Variants in PPARD observed in about 807,000 individuals in gnomAD.
PPARD encodes peroxisome proliferator activated receptor delta, also known as peroxisome proliferator-activated receptor delta.
In PPARD, 6 loss-of-function variants were observed where a neutral mutation model predicts 39.5. That is an observed-to-expected ratio of 0.15 (90% CI 0.08 to 0.30). The LOEUF is 0.30. PPARD is among the 10% of genes least tolerant of loss of function. The pLI is 1.00. For missense variants in PPARD, 397 were observed against 596.8 expected, an observed-to-expected ratio of 0.67 and a Z score of 3.49; for synonymous variants, 210 against 231.3, an observed-to-expected ratio of 0.91 and a Z score of 0.83.
intron 4 of PPARD, among the ~76,000 whole-genome samples, chr6:35,420,651 AT>A (rs1766087935): frequency 6.6e-6 from 1 of 152,134 alleles, no homozygotes; most frequent in Admixed American, 6.5e-5. Context: ...AAGGACAGAC[AT>A]TTGTTTTTCC....
At chr6:35,399,801 C>T (rs149723054) in intron 2 of PPARD, among the ~76,000 whole-genome samples, 27 of 152,210 alleles carry the variant, frequency 1.8e-4, no homozygotes, top group Admixed American at 5.9e-4. Context: ...TATGTAAATT[C>T]GTATTGTATT....
intron 2 of PPARD, among the ~76,000 whole-genome samples, chr6:35,410,418 G>A (rs1765349615): frequency 6.6e-6 from 1 of 152,158 alleles, no homozygotes; most frequent in African/African-American, 2.4e-5. Context: ...TTTTTCTGAT[G>A]TCTCTGCTAT....
chr6:35,360,489 T>C (rs1761871751), intron 2 of PPARD, among the ~76,000 whole-genome samples: 1 of 152,102 alleles, frequency 6.6e-6, no homozygotes, highest in African/African-American at 2.4e-5. Context: ...ATCAGAGAGG[T>C]TAACTCGCCC....
intron 2 of PPARD, among the ~76,000 whole-genome samples, chr6:35,360,729 T>C (rs1320564463): frequency 1.3e-5 from 2 of 152,248 alleles, no homozygotes; most frequent in East Asian, 3.8e-4. Flanking sequence ...GGACTCACTA[T>C]ACCCAAACCA....
chr6:35,367,463 A>C (rs745798588), intron 2 of PPARD, among the ~76,000 whole-genome samples: 6 of 152,192 alleles, frequency 3.9e-5, no homozygotes, highest in Non-Finnish European at 7.3e-5. Context: ...ACACAACCCT[A>C]TTCAGGTTAT....
chr6:35,395,712 C>T (rs1030204046), intron 2 of PPARD, among the ~76,000 whole-genome samples: 1 of 152,164 alleles, frequency 6.6e-6, no homozygotes, highest in Non-Finnish European at 1.5e-5. Flanking sequence ...GGATACAGAA[C>T]ACCTTTTTAG....
intron 2 of PPARD, among the ~76,000 whole-genome samples, chr6:35,359,684 G>T (rs553883309): frequency 6.6e-6 from 1 of 152,092 alleles, no homozygotes; most frequent in Non-Finnish European, 1.5e-5. Flanking sequence ...TGGCTGAGCC[G>T]GTAGATAACC....
intron 3 of PPARD, among the ~76,000 whole-genome samples, chr6:35,418,808 C>T (rs1765951185): frequency 6.6e-6 from 1 of 152,166 alleles, no homozygotes; most frequent in African/African-American, 2.4e-5. Context: ...CCTCACCAGC[C>T]AGGAGGGGAG....
At chr6:35,421,591 C>T (rs547120166) in intron 4 of PPARD, among the ~76,000 whole-genome samples, 3 of 152,118 alleles carry the variant, frequency 2.0e-5, no homozygotes, top group South Asian at 2.1e-4. Flanking sequence ...CCGCCCACCT[C>T]GGCCTCTCAA....
chr6:35,410,940 C>T, intron 2 of PPARD, 47 bp from the exon 3 acceptor site: 1 of 1,258,180 alleles, frequency 7.9e-7, no homozygotes, highest in Middle Eastern at 2.3e-4. Flanking sequence ...CATCCTCTTC[C>T]TTGTCACTGC....
rs1765495681 is a variant in PPARD at position 35,412,514 on chromosome 6, C to T, written c.130+1297C>T. 6.6e-6 allele frequency among the ~76,000 whole-genome samples: 1 copy of T among 152,202 alleles called. No individual in the cohort carries two copies. On this transcript the variant is annotated intron_variant, in intron 3 of 7. Coordinates refer to ENST00000360694, the MANE Select transcript of PPARD (RefSeq NM_006238.5). The surrounding 1 kb of genome is among the most constrained non-coding windows in gnomAD (Gnocchi z 4.1). ...GAGGCAGTTAGTGTCCAAGCTAAGG[C>T]AGGGTGAAGGCTGTGGAGGTAGCGC...
At chr6:35,343,683 C>G (rs1313084609) in intron 1 of PPARD, among the ~76,000 whole-genome samples, 5 of 152,232 alleles carry the variant, frequency 3.3e-5, no homozygotes, top group African/African-American at 7.2e-5. Flanking sequence ...TTAATACTTC[C>G]CCTTTATGGG....
chr6:35,384,961 TGGG>T (rs1366216615), intron 2 of PPARD, among the ~76,000 whole-genome samples: 1 of 96,822 alleles, frequency 1.0e-5, no homozygotes, highest in East Asian at 3.1e-4. Flanking sequence ...GGGAGGGAGG[TGGG>T]GGGGTCAGCC....
chr6:35,394,641 C>T (rs550611443), intron 2 of PPARD, among the ~76,000 whole-genome samples: 1 of 151,818 alleles, frequency 6.6e-6, no homozygotes, highest in Admixed American at 6.6e-5. Context: ...TGTGGTGGTG[C>T]GTACCTGTAG....
chr6:35,367,792 G>A (rs965129369), intron 2 of PPARD, among the ~76,000 whole-genome samples: 2 of 152,204 alleles, frequency 1.3e-5, no homozygotes, highest in African/African-American at 2.4e-5. Flanking sequence ...GCATCTGGGG[G>A]CCAAGACAGT....
intron 5 of PPARD, among the ~76,000 whole-genome samples, chr6:35,423,066 A>AAG (rs1216995660): frequency 6.7e-6 from 1 of 149,244 alleles, no homozygotes; most frequent in African/African-American, 2.5e-5. Flanking sequence ...AAAAAAAAAA[A>AAG]AAAAAAAAAA....
chr6:35,392,106 T>C (rs1457571675), intron 2 of PPARD, among the ~76,000 whole-genome samples: 6 of 152,004 alleles, frequency 3.9e-5, no homozygotes, highest in Admixed American at 2.6e-4. Flanking sequence ...TGGGCCAATT[T>C]GGGGAACCCT....
intron 2 of PPARD, among the ~76,000 whole-genome samples, chr6:35,380,472 GTTTGTTTTTTTTTTTTTTTT>G (rs1562190318): frequency 0.22 from 6,755 of 31,306 alleles, 651 homozygotes; most frequent in African/African-American, 0.45. Context: ...TTTTTTTTTT[GTTTGTTTTTTTTTTTTTTTT>G]TTTTTTTTTT....
At chr6:35,358,186 A>G (rs976216707) in intron 2 of PPARD, among the ~76,000 whole-genome samples, 1 of 152,208 alleles carries the variant, frequency 6.6e-6, no homozygotes, top group Admixed American at 6.5e-5. Context: ...GATTGGACAC[A>G]GGAGAAGGAG....
Sources: gnomAD v4.1 joint callset for allele counts (sites outside exome capture counted in the v4.1 genomes callset) on GRCh38, gnomAD v4.1.1 for gene constraint, Gnocchi (gnomAD v3.1) non-coding constraint, MANE v1.5 for transcripts, NCBI Gene and HGNC (gene_info 2026-07-23, HGNC 2026-07-21) for gene names.